KRTAP4-7: variants seen among roughly 807,000 people sequenced by gnomAD.
KRTAP4-7 encodes putative keratin-associated protein 4-X.
KRTAP4-7 carries 1 observed loss-of-function variant against 3.0 expected under a neutral mutation model. The observed-to-expected ratio is 0.33, with a 90% confidence interval of 0.12 to 1.57. The LOEUF (loss-of-function observed/expected upper bound fraction) is 1.57, where lower values mean the gene tolerates loss of function less well. KRTAP4-7 is among the 40% of genes most tolerant of loss of function. The pLI is 0.37. For missense variants in KRTAP4-7, 199 were observed against 209.1 expected, an observed-to-expected ratio of 0.95 and a Z score of 0.30; for synonymous variants, 70 against 74.6, an observed-to-expected ratio of 0.94 and a Z score of 0.32.
exon 1 of KRTAP4-7, chr17:41,084,452 C>T: frequency 6.6e-7 from 1 of 1,507,952 alleles, no homozygotes; most frequent in Non-Finnish European, 9.1e-7. Context: ...GCTGCATCTC[C>T]AGCTGCTGCC....
chr17:41,084,793 A>G (rs1022754344), exon 1 of KRTAP4-7: 2 of 1,414,732 alleles, frequency 1.4e-6, no homozygotes, highest in African/African-American at 2.9e-5. Flanking sequence ...GATGGACCTT[A>G]TGCTTCCAAA....
chr17:41,084,676 C>T, exon 1 of KRTAP4-7: 1 of 1,587,318 alleles, frequency 6.3e-7, no homozygotes, highest in South Asian at 1.1e-5. Context: ...TGCTGCTGAG[C>T]CCACTGCCCT....
rs79760747 is a variant in KRTAP4-7, at chr17:41,084,398, C to A, written c.192C>A (p.Cys64Ter). 317 of 1,423,356 alleles carry A rather than the reference C, an allele frequency of 2.2e-4. 5 individuals are homozygous for A. In the East Asian group the frequency reaches 6.9e-3, roughly 31 times the overall value. The allele number at this position is 1,423,356 out of a possible 1,614,324, so 88.2% of individuals were successfully genotyped here. The change falls in exon 1 of 1, where the codon TGC (cysteine) becomes TGA (stop). Residue 64 changes from cysteine to a stop codon, truncating the protein, a stop_gained. Coordinates refer to ENST00000391417, the Ensembl canonical transcript of KRTAP4-7. LOFTEE classifies it low-confidence loss of function (END_TRUNC). ...AGTCTGTGTGCTGCCAACCCACCTGCTGTCGCCCCACCTGCTGTGAGACGA... is the reference window on the plus strand; with the variant it reads ...AGTCTGTGTGCTGCCAACCCACCTGATGTCGCCCCACCTGCTGTGAGACGA...
At chr17:41,084,683 C>A in exon 1 of KRTAP4-7, 7 of 1,577,636 alleles carry the variant, frequency 4.4e-6, no homozygotes, top group Non-Finnish European at 6.0e-6. Context: ...GAGCCCACTG[C>A]CCTGGCTCAC....
chr17:41,084,336 T>C, exon 1 of KRTAP4-7: 1 of 1,613,900 alleles, frequency 6.2e-7, no homozygotes, highest in South Asian at 1.1e-5. Flanking sequence ...CCGCCCCAGC[T>C]GTTGTGTGTC....
chr17:41,084,164 C>T, exon 1 of KRTAP4-7: 11 of 1,566,724 alleles, frequency 7.0e-6, no homozygotes, highest in Admixed American at 1.8e-5. Context: ...CCAAGAACTT[C>T]ACTCTCTTGG....
exon 1 of KRTAP4-7, chr17:41,084,692 A>G: frequency 6.4e-7 from 1 of 1,570,516 alleles, no homozygotes; most frequent in Non-Finnish European, 8.6e-7. Flanking sequence ...GCCCTGGCTC[A>G]CGTCCCCCTT....
exon 1 of KRTAP4-7, chr17:41,084,324 T>C (rs2013598722): frequency 6.2e-7 from 1 of 1,614,090 alleles, no homozygotes; most frequent in Non-Finnish European, 8.5e-7. Context: ...GACCACCTGC[T>C]ACCGCCCCAG....
chr17:41,085,032 G>A (rs1368589274), exon 1 of KRTAP4-7: 1 of 366,478 alleles, frequency 2.7e-6, no homozygotes, highest in Non-Finnish European at 5.1e-6. Flanking sequence ...TTTTGTCACT[G>A]ATGTTGCACC....
chr17:41,084,936 C>T, exon 1 of KRTAP4-7: 1 of 609,388 alleles, frequency 1.6e-6, no homozygotes, highest in South Asian at 2.5e-5. Flanking sequence ...AGAAATTATT[C>T]CAATCTTCTG....
exon 1 of KRTAP4-7, chr17:41,084,259 A>T (rs383835): frequency 0.6 from 958,372 of 1,595,570 alleles, 283,904 homozygotes; most frequent in Middle Eastern, 0.62. Context: ...TGCAGCCAAG[A>T]CCTCTGTCAG....
chr17:41,084,774 A>C, exon 1 of KRTAP4-7: 2 of 1,458,038 alleles, frequency 1.4e-6, no homozygotes, highest in Non-Finnish European at 1.8e-6. Context: ...GGTTGATGTC[A>C]TTCAATAGGA....
exon 1 of KRTAP4-7, chr17:41,084,261 C>T (rs1483998615): frequency 1.9e-6 from 3 of 1,613,552 alleles, no homozygotes; most frequent in Admixed American, 1.7e-5. Flanking sequence ...CAGCCAAGAC[C>T]TCTGTCAGGA....
At chr17:41,084,954 T>C (rs542683270) in exon 1 of KRTAP4-7, 76 of 590,718 alleles carry the variant, frequency 1.3e-4, no homozygotes, top group Admixed American at 6.6e-4. Context: ...CTGATTTCCT[T>C]ATTTTCTTTA....
At chr17:41,084,373 A>T (rs779832284) in exon 1 of KRTAP4-7, 34 of 1,425,692 alleles carry the variant, frequency 2.4e-5, no homozygotes, top group South Asian at 6.3e-5. Context: ...CAGTGCTGCC[A>T]GTCTGTGTGC....
chr17:41,084,965 T>C, exon 1 of KRTAP4-7: 1 of 582,054 alleles, frequency 1.7e-6, no homozygotes. Flanking sequence ...ATTTTCTTTA[T>C]CACTTTAAGG....
At chr17:41,084,937 C>A in exon 1 of KRTAP4-7, 2 of 608,668 alleles carry the variant, frequency 3.3e-6, no homozygotes, top group Non-Finnish European at 5.7e-6. Flanking sequence ...GAAATTATTC[C>A]AATCTTCTGA....
chr17:41,084,668 C>T, exon 1 of KRTAP4-7: 13 of 1,591,718 alleles, frequency 8.2e-6, no homozygotes, highest in Non-Finnish European at 1.0e-5. Context: ...CCTCCTCTTG[C>T]TGCTGAGCCC....
exon 1 of KRTAP4-7, chr17:41,084,647 C>T: frequency 6.3e-7 from 1 of 1,599,624 alleles, no homozygotes; most frequent in Non-Finnish European, 8.5e-7. Context: ...GTCCCCGCCC[C>T]TTGTGCTGTG....
Sources: gnomAD v4.1 joint callset for allele counts on GRCh38, gnomAD v4.1.1 for gene constraint, MANE v1.5 for transcripts, NCBI Gene and HGNC (gene_info 2026-07-23, HGNC 2026-07-21) for gene names.